Variants in MARCHF1 observed in about 807,000 individuals in gnomAD.
MARCHF1 encodes the protein membrane associated ring-CH-type finger 1, also known as E3 ubiquitin-protein ligase MARCHF1.
A neutral mutation model predicts 54.2 loss-of-function variants in MARCHF1; 40 were observed. The observed-to-expected ratio is 0.74, with a 90% CI of 0.57 to 0.96. MARCHF1 has a LOEUF of 0.96. MARCHF1 is among the 40% of genes least tolerant of loss of function. The pLI is 0.00. For synonymous variants in MARCHF1, 236 were observed against 236.3 expected (o/e 1.00, Z 0.01); for missense variants, 586 against 656.5 (o/e 0.89, Z 1.17).
rs896485018 is a variant in MARCHF1 at position 164,317,493 on chromosome 4, C to T, written c.-323+66377G>A. Among the ~76,000 whole-genome samples the T allele has an allele frequency of 4.6e-5, 7 of 152,104 alleles. 2 individuals are homozygous for T. Among genetic ancestry groups the T allele is most frequent in the Admixed American group, 4.6e-4 (7 of 15,258 alleles). On this transcript the variant is annotated intron_variant, in intron 1 of 9. Transcript: ENST00000514618. Reference sequence around the variant, plus strand: ...TACACATACAACTGTATCATCGCATCCACTACCTAAGCAAGAGGGTGAAAA... The same window carrying T: ...TACACATACAACTGTATCATCGCATTCACTACCTAAGCAAGAGGGTGAAAA...
chr4:164,038,688 C>A (rs564240480), intron 2 of MARCHF1, among the ~76,000 whole-genome samples: 3 of 152,194 alleles, frequency 2.0e-5, no homozygotes, highest in South Asian at 4.2e-4. Context: ...TTGTATTTGG[C>A]AAACTCCAAC....
chr4:163,620,942 C>T (rs1345410297), intron 5 of MARCHF1, among the ~76,000 whole-genome samples: 1 of 152,164 alleles, frequency 6.6e-6, no homozygotes, highest in Non-Finnish European at 1.5e-5. Context: ...TCATAAATGA[C>T]AACTACTAAC....
At chr4:163,698,533 TAG>T (rs1395913906) in intron 5 of MARCHF1, among the ~76,000 whole-genome samples, 1 of 152,200 alleles carries the variant, frequency 6.6e-6, no homozygotes, top group African/African-American at 2.4e-5. Context: ...TGTTTAAGAA[TAG>T]AGTTTTTTTA....
intron 1 of MARCHF1, among the ~76,000 whole-genome samples, chr4:164,287,514 AT>A (rs1734180452): frequency 6.6e-6 from 1 of 152,156 alleles, no homozygotes. Context: ...ACTAAGCTGA[AT>A]TTTTTAAAAG....
At chr4:163,531,009 C>T (rs1440392281) in intron 9 of MARCHF1, among the ~76,000 whole-genome samples, 1 of 151,850 alleles carries the variant, frequency 6.6e-6, no homozygotes. Flanking sequence ...CCTTTCAGAG[C>T]AGAAAGCACC....
At chr4:163,567,783 T>A (rs768822101) in intron 8 of MARCHF1, among the ~76,000 whole-genome samples, 3 of 152,218 alleles carry the variant, frequency 2.0e-5, no homozygotes, top group Non-Finnish European at 4.4e-5. Context: ...TATGTCTTTA[T>A]CAGCAGCATG....
chr4:164,307,297 C>T (rs575368599), intron 1 of MARCHF1, among the ~76,000 whole-genome samples: 2 of 152,182 alleles, frequency 1.3e-5, no homozygotes, highest in Non-Finnish European at 2.9e-5. Context: ...CTTCTTACAG[C>T]CTAGCATAGT....
intron 8 of MARCHF1, among the ~76,000 whole-genome samples, chr4:163,547,179 C>T (rs1479997946): frequency 2.0e-5 from 3 of 152,146 alleles, no homozygotes; most frequent in South Asian, 2.1e-4. Context: ...AGCTTTGAGA[C>T]GTGGTTAAAA....
chr4:164,095,376 G>T (rs10027529), intron 2 of MARCHF1, among the ~76,000 whole-genome samples: 1 of 151,466 alleles, frequency 6.6e-6, no homozygotes, highest in African/African-American at 2.4e-5. Flanking sequence ...AAATGCCCGA[G>T]AAGTGGTAAA....
intron 1 of MARCHF1, among the ~76,000 whole-genome samples, chr4:164,366,184 T>C (rs1730875425): frequency 6.6e-6 from 1 of 152,050 alleles, no homozygotes; most frequent in Non-Finnish European, 1.5e-5. Flanking sequence ...CCAATACAAG[T>C]TTCGCATTCA....
At chr4:163,825,138 G>A (rs1253328831) in intron 4 of MARCHF1, among the ~76,000 whole-genome samples, 1 of 151,954 alleles carries the variant, frequency 6.6e-6, no homozygotes, top group Non-Finnish European at 1.5e-5. Context: ...CTCAGGGTCT[G>A]TTGCTCCTGT....
chr4:163,560,743 G>T (rs531990780), intron 8 of MARCHF1, among the ~76,000 whole-genome samples: 1 of 152,130 alleles, frequency 6.6e-6, no homozygotes, highest in African/African-American at 2.4e-5. Flanking sequence ...TGTATTTTTT[G>T]TCATATTTAT....
chr4:164,032,718 C>A (rs1753904474), intron 2 of MARCHF1, among the ~76,000 whole-genome samples: 1 of 152,002 alleles, frequency 6.6e-6, no homozygotes, highest in Non-Finnish European at 1.5e-5. Flanking sequence ...GATTTCAGTT[C>A]TTTTGTATTT....
intron 1 of MARCHF1, among the ~76,000 whole-genome samples, chr4:164,315,793 CTATT>C: frequency 6.6e-6 from 1 of 152,118 alleles, no homozygotes; most frequent in Non-Finnish European, 1.5e-5. Context: ...TAATAATAAT[CTATT>C]TACACTACGT....
chr4:164,101,104 A>C (rs1043867722), intron 2 of MARCHF1, among the ~76,000 whole-genome samples: 1 of 152,210 alleles, frequency 6.6e-6, no homozygotes, highest in Non-Finnish European at 1.5e-5. Flanking sequence ...CCTGGCTCGG[A>C]GGGTCCTACG....
chr4:163,801,688 C>G (rs1748084800), intron 4 of MARCHF1, among the ~76,000 whole-genome samples: 1 of 152,090 alleles, frequency 6.6e-6, no homozygotes, highest in Non-Finnish European at 1.5e-5. Context: ...GTCAATTCCT[C>G]TTCCTAAGAG....
chr4:163,857,416 G>A (rs186612659), intron 3 of MARCHF1, among the ~76,000 whole-genome samples: 1 of 152,124 alleles, frequency 6.6e-6, no homozygotes, highest in East Asian at 1.9e-4. Flanking sequence ...TCAGCCAGAA[G>A]GGTAGGCAAA....
At chr4:164,165,748 T>C (rs1730364521) in intron 1 of MARCHF1, among the ~76,000 whole-genome samples, 1 of 151,966 alleles carries the variant, frequency 6.6e-6, no homozygotes, top group African/African-American at 2.4e-5. Flanking sequence ...AGGATGTGCA[T>C]TGAACTTGCT....
At chr4:163,663,219 C>A (rs968865164) in intron 5 of MARCHF1, among the ~76,000 whole-genome samples, 2 of 141,036 alleles carry the variant, frequency 1.4e-5, no homozygotes, top group Admixed American at 7.3e-5. Context: ...TATTTTAAAT[C>A]ATCTTTTTTT....
Sources: allele counts gnomAD v4.1 joint callset (sites outside exome capture counted in the v4.1 genomes callset), GRCh38; gene constraint gnomAD v4.1.1; transcripts MANE v1.5; gene names NCBI Gene and HGNC (gene_info 2026-07-23, HGNC 2026-07-21).